TDRD9: variants seen among roughly 807,000 people sequenced by gnomAD.
TDRD9 encodes the protein tudor domain containing 9.
Under a neutral mutation model 172.6 loss-of-function variants are expected in TDRD9, and 124 were observed. The observed-to-expected ratio is 0.72, with a 90% confidence interval of 0.62 to 0.83. TDRD9 has a LOEUF of 0.83. Ranked by LOEUF, TDRD9 falls within the 40% of genes least tolerant of loss-of-function variation. The pLI is 0.00. For synonymous variants in TDRD9, 619 were observed against 617.1 expected (o/e 1.00, Z -0.05); for missense variants, 1,479 against 1,714.1 (o/e 0.86, Z 2.42).
chr14:103,988,742 G>A (rs2152192944), intron 8 of TDRD9, among the ~76,000 whole-genome samples: 1 of 149,342 alleles, frequency 6.7e-6, no homozygotes, highest in South Asian at 2.1e-4. Context: ...TGAGCAGGCT[G>A]GGTACAGTGG....
At position 104,014,762 on chromosome 14, in the gene TDRD9, C is replaced by T. The variant is rs757739389; in HGVS notation, c.2144C>T (p.Ser715Leu). ...ELYEELKTRI[S>L]QFNMHVDSRR... Reference sequence around the variant, plus strand: ...TATGAAGAATTGAAGACTAGAATCTCACAGTTCAACATGCATGTTGATTCT... The same window carrying T: ...TATGAAGAATTGAAGACTAGAATCTTACAGTTCAACATGCATGTTGATTCT... The change falls in exon 21 of 36, where the codon TCA becomes TTA. Residue 715 changes from serine to leucine, a missense_variant. This residue lies in a region of TDRD9 where 1,413 missense variants were observed against 1,649.1 expected (regional missense o/e 0.86). Coordinates refer to ENST00000409874, the MANE Select transcript of TDRD9 (RefSeq NM_153046.3). The T allele has an allele frequency of 2.5e-6, 4 of 1,611,770 alleles. No individual in the cohort carries two copies. Among genetic ancestry groups the T allele is most frequent in the South Asian group, 1.1e-5 (1 of 90,972 alleles).
intron 5 of TDRD9, 121 bp from the exon 6 acceptor site, chr14:103,970,420 G>A (rs1314225959): frequency 1.5e-6 from 1 of 686,762 alleles, no homozygotes; most frequent in Admixed American, 2.6e-5. Flanking sequence ...GCCCCCTGAG[G>A]AACTGCATTT....
intron 7 of TDRD9, among the ~76,000 whole-genome samples, chr14:103,981,319 C>G (rs768116031): frequency 6.6e-6 from 1 of 152,220 alleles, no homozygotes; most frequent in Non-Finnish European, 1.5e-5. Flanking sequence ...TCAGAGCTCA[C>G]AACACTTAGA....
At position 104,016,027 on chromosome 14, in the gene TDRD9, A is replaced by G; in HGVS notation, c.2270A>G (p.Gln757Arg). ...TATCCAAATTACTTTACTTTTGGAC[A>G]GCCGGATGAGGAGATGGCGGTGAGG... ...AFYPNYFTFG[Q>R]PDEEMAVREL... The change falls in exon 22 of 36, where the codon CAG (glutamine) becomes CGG (arginine). Residue 757 changes from glutamine (Q) to arginine (R), a missense_variant. Gln to Arg is a conservative substitution (Grantham distance 43). Coordinates refer to ENST00000409874, the MANE Select transcript of TDRD9 (RefSeq NM_153046.3). 5 of 1,603,046 alleles carry G rather than the reference A, an allele frequency of 3.1e-6. No homozygotes were observed.
chr14:104,007,464 C>T (rs2034478952), intron 19 of TDRD9, among the ~76,000 whole-genome samples: 1 of 152,210 alleles, frequency 6.6e-6, no homozygotes, highest in Non-Finnish European at 1.5e-5. Flanking sequence ...CATGGCTCCA[C>T]ATTGTACTGA....
intron 7 of TDRD9, among the ~76,000 whole-genome samples, chr14:103,977,211 G>T (rs1303572528): frequency 6.6e-6 from 1 of 152,010 alleles, no homozygotes; most frequent in Non-Finnish European, 1.5e-5. Flanking sequence ...GATTGTTTGG[G>T]CCTGGCGCGG....
At chr14:103,958,652 G>C (rs371321489) in intron 2 of TDRD9, among the ~76,000 whole-genome samples, 1 of 152,176 alleles carries the variant, frequency 6.6e-6, no homozygotes, top group East Asian at 1.9e-4. Flanking sequence ...ACAAGGAAGA[G>C]GCCATGAGCC....
chr14:103,965,659 T>A, intron 4 of TDRD9, 105 bp downstream of exon 4: 1 of 1,035,062 alleles, frequency 9.7e-7, no homozygotes, highest in Non-Finnish European at 1.4e-6. Context: ...GACCATTTTC[T>A]GCTGAAAATT....
intron 32 of TDRD9, among the ~76,000 whole-genome samples, chr14:104,035,979 G>T (rs545521381): frequency 6.6e-6 from 1 of 152,030 alleles, no homozygotes; most frequent in Non-Finnish European, 1.5e-5. Flanking sequence ...CTCAAAATGT[G>T]TAGTGCTTTT....
At chr14:103,951,989 C>T (rs1267296636) in intron 1 of TDRD9, among the ~76,000 whole-genome samples, 2 of 149,288 alleles carry the variant, frequency 1.3e-5, no homozygotes, top group East Asian at 2.0e-4. Context: ...AGGGTGGTCT[C>T]GATCTCCTGA....
chr14:103,939,677 G>GTTTT (rs71126088), intron 1 of TDRD9: 8 of 68,712 alleles, frequency 1.2e-4, no homozygotes, highest in East Asian at 5.7e-4. Flanking sequence ...AGTTAGGAGG[G>GTTTT]TTTTTTTTTT....
At chr14:104,050,595 T>C (rs1219739908) in intron 35 of TDRD9, among the ~76,000 whole-genome samples, 1 of 152,186 alleles carries the variant, frequency 6.6e-6, no homozygotes, top group African/African-American at 2.4e-5. Context: ...CTTGGAGGAC[T>C]GTGTCCCATC....
At chr14:103,936,711 G>A (rs1170967370) in intron 1 of TDRD9, among the ~76,000 whole-genome samples, 1 of 152,196 alleles carries the variant, frequency 6.6e-6, no homozygotes, top group African/African-American at 2.4e-5. Flanking sequence ...AACCTTCTAT[G>A]TTTGGTCTCC....
Position 103,947,410 on chromosome 14 carries a change from C to CTCT in TDRD9, c.216-8253_216-8251dup, listed in dbSNP as rs532210012. On this transcript the variant is annotated intron_variant, in intron 1 of 35. Coordinates refer to ENST00000409874, the MANE Select transcript of TDRD9 (RefSeq NM_153046.3). The stretch of plus-strand genomic sequence containing the variant: ...AGTGGCGATTTCTACTCACTGCAAG[C>CTCT]TCTGTCCCCCAGGTTCATGCCATTC... Among the ~76,000 whole-genome samples the CTCT allele has an allele frequency of 3.4e-3, 522 of 152,048 alleles. 5 individuals are homozygous for CTCT. The highest frequency in any genetic ancestry group is 0.012 in the African/African-American group (493 of 41,478).
At chr14:103,947,295 TTG>T (rs2031613753) in intron 1 of TDRD9, among the ~76,000 whole-genome samples, 1 of 151,916 alleles carries the variant, frequency 6.6e-6, no homozygotes, top group African/African-American at 2.4e-5. Context: ...TTTGTTTTTT[TTG>T]TTTGTTTGTT....
intron 34 of TDRD9, among the ~76,000 whole-genome samples, chr14:104,045,675 A>G (rs1208963734): frequency 1.3e-5 from 2 of 152,200 alleles, no homozygotes; most frequent in Non-Finnish European, 1.5e-5. Context: ...AAGGCTGGGC[A>G]TAATAAGGGG....
chr14:103,989,246 C>T (rs1250004131), intron 8 of TDRD9, among the ~76,000 whole-genome samples: 1 of 152,198 alleles, frequency 6.6e-6, no homozygotes, highest in Admixed American at 6.5e-5. Context: ...GTTTTCTTTG[C>T]ATGTGGCATG....
chr14:103,928,985 A>G (rs1345907128), intron 1 of TDRD9: 4 of 183,220 alleles, frequency 2.2e-5, no homozygotes, highest in Non-Finnish European at 4.2e-5. Flanking sequence ...TGAGGCACTC[A>G]GGTTTTCAGG....
chr14:103,961,419 C>T (rs968114194), intron 2 of TDRD9, among the ~76,000 whole-genome samples: 10 of 151,788 alleles, frequency 6.6e-5, no homozygotes, highest in African/African-American at 1.9e-4. Flanking sequence ...AAAAATTAGC[C>T]GGGTGTGGTG....
Sources: allele counts gnomAD v4.1 joint callset (sites outside exome capture counted in the v4.1 genomes callset), GRCh38; gene constraint gnomAD v4.1.1; regional missense constraint gnomAD v4.1.1; transcripts MANE v1.5; gene names NCBI Gene and HGNC (gene_info 2026-07-23, HGNC 2026-07-21).